GALNT18: variants seen among roughly 807,000 people sequenced by gnomAD.
GALNT18 encodes the protein polypeptide N-acetylgalactosaminyltransferase 18.
Under a neutral mutation model 69.5 loss-of-function variants are expected in GALNT18, and 44 were observed. The observed-to-expected ratio is 0.63, with a 90% CI of 0.50 to 0.81. The LOEUF (loss-of-function observed/expected upper bound fraction) is 0.81, where lower values mean the gene tolerates loss of function less well. Among genes scored for constraint, GALNT18 ranks in the 40% least tolerant of loss-of-function variants. The pLI is 0.00. For synonymous variants in GALNT18, 364 were observed against 318.2 expected, an observed-to-expected ratio of 1.14 and a Z score of -1.53; for missense variants, 715 against 810.0, an observed-to-expected ratio of 0.88 and a Z score of 1.42.
intron 1 of GALNT18, among the ~76,000 whole-genome samples, chr11:11,510,689 C>A (rs370281519): frequency 6.6e-6 from 1 of 152,230 alleles, no homozygotes; most frequent in African/African-American, 2.4e-5. Flanking sequence ...AGCTACTGTG[C>A]CACTTTTCAC....
intron 10 of GALNT18, among the ~76,000 whole-genome samples, chr11:11,292,002 CA>C (rs1849308437): frequency 6.6e-6 from 1 of 152,132 alleles, no homozygotes; most frequent in Admixed American, 6.5e-5. Context: ...AGCCAGCTTC[CA>C]AAGCTCCTTG....
At chr11:11,529,044 T>C (rs1857582061) in intron 1 of GALNT18, among the ~76,000 whole-genome samples, 1 of 152,056 alleles carries the variant, frequency 6.6e-6, no homozygotes, top group Non-Finnish European at 1.5e-5. Flanking sequence ...GACTAAAGGG[T>C]CCATCAAAGA....
chr11:11,532,804 G>A (rs976743891), intron 1 of GALNT18, among the ~76,000 whole-genome samples: 8 of 152,198 alleles, frequency 5.3e-5, no homozygotes, highest in African/African-American at 1.9e-4. Flanking sequence ...TGGAGCCTCA[G>A]AAAGACTGAG....
intron 3 of GALNT18, among the ~76,000 whole-genome samples, chr11:11,394,216 T>C (rs1255973421): frequency 1.3e-5 from 2 of 152,136 alleles, no homozygotes; most frequent in Non-Finnish European, 2.9e-5. Context: ...AATGGATGGA[T>C]GAAGGGGCTT....
Position 11,505,399 on chromosome 11 carries a change from G to A in GALNT18, c.236-56463C>T, listed in dbSNP as rs1026557357. ...ATGAAGGATGGCAGGCAGATGGCAT[G>A]CATACCAGCACTGACTCCTATGCCC... is the stretch of plus-strand genomic sequence containing the variant. On this transcript the variant is annotated intron_variant, in intron 1 of 10. Coordinates refer to ENST00000227756, the MANE Select transcript of GALNT18 (RefSeq NM_198516.3). The surrounding 1 kb of genome is among the most constrained non-coding windows in gnomAD (Gnocchi z 4.6). Among the ~76,000 whole-genome samples, 1 of 152,170 alleles carries A rather than the reference G, an allele frequency of 6.6e-6. No individual in the cohort carries two copies. The highest frequency in any genetic ancestry group is 2.4e-5 in the African/African-American group (1 of 41,438).
intron 6 of GALNT18, among the ~76,000 whole-genome samples, chr11:11,369,629 C>G (rs1850851231): frequency 1.3e-5 from 2 of 150,096 alleles, no homozygotes; most frequent in African/African-American, 4.8e-5. Flanking sequence ...TAGTCTCCAA[C>G]AATTTCAATC....
At chr11:11,276,839 C>G (rs914771841) in intron 10 of GALNT18, among the ~76,000 whole-genome samples, 3 of 152,162 alleles carry the variant, frequency 2.0e-5, no homozygotes, top group African/African-American at 7.2e-5. Context: ...GTTGAACCAG[C>G]CTCGCAGCCC....
rs1190084039 is a variant in GALNT18, at chr11:11,618,205, G to T, written c.235+3154C>A. ...TGCAGAACATTTTGTGACATTTGCA[G>T]CTTCAAGGAGACTTTCCTTCTAACA... On this transcript the variant is annotated intron_variant, in intron 1 of 10. Coordinates refer to ENST00000227756, the MANE Select transcript of GALNT18 (RefSeq NM_198516.3). The surrounding 1 kb of genome is among the most constrained non-coding windows in gnomAD (Gnocchi z 6.1). Among the ~76,000 whole-genome samples, 1 of 152,184 alleles carries T rather than the reference G, an allele frequency of 6.6e-6. No homozygotes were observed. The highest frequency in any genetic ancestry group is 1.5e-5 in the Non-Finnish European group (1 of 68,034).
At chr11:11,359,799 C>G (rs1850604829) in intron 6 of GALNT18, among the ~76,000 whole-genome samples, 1 of 152,170 alleles carries the variant, frequency 6.6e-6, no homozygotes, top group Non-Finnish European at 1.5e-5. Flanking sequence ...GATGGAAAAA[C>G]AACACAACCT....
chr11:11,352,628 A>G (rs1850437171), intron 6 of GALNT18: 1 of 1,614,204 alleles, frequency 6.2e-7, no homozygotes, highest in African/African-American at 1.3e-5. Context: ...GCTCATGATC[A>G]ATCATGACAT....
chr11:11,296,745 A>T (rs1849408910), intron 9 of GALNT18, among the ~76,000 whole-genome samples: 1 of 152,182 alleles, frequency 6.6e-6, no homozygotes, highest in Non-Finnish European at 1.5e-5. Flanking sequence ...TGGGAAAATC[A>T]TAATGGGGCA....
chr11:11,558,182 T>C (rs1440777446), intron 1 of GALNT18, among the ~76,000 whole-genome samples: 1 of 152,214 alleles, frequency 6.6e-6, no homozygotes, highest in Non-Finnish European at 1.5e-5. Flanking sequence ...TTTTACATTG[T>C]AATGTTTTTG....
At position 11,480,026 on chromosome 11, in the gene GALNT18, AG is replaced by A. The variant is rs1258588515; in HGVS notation, c.236-31091del. ...CTACCCCAAGCCCCACCAGGAGGCT[AG>A]AGAAGAGAGATGGGAGAGTTTGTAG... On this transcript the variant is annotated intron_variant, in intron 1 of 10. Coordinates refer to ENST00000227756, the MANE Select transcript of GALNT18 (RefSeq NM_198516.3). The surrounding 1 kb of genome is among the most constrained non-coding windows in gnomAD (Gnocchi z 4.6). Among the ~76,000 whole-genome samples, 1 of 152,184 alleles carries A rather than the reference AG, an allele frequency of 6.6e-6. No individual in the cohort carries two copies. Among genetic ancestry groups the A allele is most frequent in the African/African-American group, 2.4e-5 (1 of 41,448 alleles).
chr11:11,508,561 A>C (rs1033798212), intron 1 of GALNT18, among the ~76,000 whole-genome samples: 1 of 152,236 alleles, frequency 6.6e-6, no homozygotes, highest in African/African-American at 2.4e-5. Flanking sequence ...GGCCATGTGA[A>C]TATCTGCTTC....
rs1398450431 is a variant in GALNT18 at position 11,356,803 on chromosome 11, T to C, written c.1092+15712A>G. On this transcript the variant is annotated intron_variant, in intron 6 of 10. Transcript: ENST00000227756. The surrounding 1 kb of genome is among the most constrained non-coding windows in gnomAD (Gnocchi z 4.4). Reference sequence around the variant, plus strand: ...TTGTTCTTGGGCACTCTCCTTCTGCTCCCCACCATTTCTAGCTAATCACTT... The same window carrying C: ...TTGTTCTTGGGCACTCTCCTTCTGCCCCCCACCATTTCTAGCTAATCACTT... 6.6e-6 allele frequency among the ~76,000 whole-genome samples: 1 copy of C among 152,190 alleles called. No individual in the cohort carries two copies. Among genetic ancestry groups the C allele is most frequent in the Non-Finnish European group, 1.5e-5 (1 of 68,036 alleles).
intron 8 of GALNT18, among the ~76,000 whole-genome samples, chr11:11,331,193 C>G (rs1850011726): frequency 6.6e-6 from 1 of 152,188 alleles, no homozygotes; most frequent in African/African-American, 2.4e-5. Context: ...ACTACCTGAG[C>G]AGCACTGGCT....
chr11:11,275,068 G>A (rs527698244), intron 10 of GALNT18, among the ~76,000 whole-genome samples: 2 of 152,310 alleles, frequency 1.3e-5, no homozygotes, highest in South Asian at 4.1e-4. Context: ...CCAGTGATGG[G>A]ACCGCTAGGT....
rs1306003328 is a variant in GALNT18, at chr11:11,432,714, A to G, written c.502T>C (p.Ser168Pro). Residue 168 changes from serine (S) to proline (P), a missense_variant, in exon 3 of 11, where the codon TCA (serine) becomes CCA (proline). Transcript: ENST00000227756. The surrounding 1 kb of genome is among the most constrained non-coding windows in gnomAD (Gnocchi z 5.8). ...IVFIFVNEAL[S>P]VLLRSIHSAM... ...GAGTGGATGGAGCGCAGCAGCACTG[A>G]AAGCGCTTCATTGACGAAGATGAAC... is the stretch of plus-strand genomic sequence containing the variant. 1.2e-6 allele frequency: 2 copies of G among 1,614,008 alleles called. No individual in the cohort carries two copies.
At chr11:11,522,672 C>A (rs780880876) in intron 1 of GALNT18, among the ~76,000 whole-genome samples, 26 of 152,126 alleles carry the variant, frequency 1.7e-4, no homozygotes, top group Non-Finnish European at 3.4e-4. Flanking sequence ...GGATTTTTTT[C>A]TGGATGTTGA....
Sources: gnomAD v4.1 joint callset for allele counts (sites outside exome capture counted in the v4.1 genomes callset) on GRCh38, gnomAD v4.1.1 for gene constraint, Gnocchi (gnomAD v3.1) non-coding constraint, MANE v1.5 for transcripts, NCBI Gene and HGNC (gene_info 2026-07-23, HGNC 2026-07-21) for gene names.